The following UBE2E2 variants were observed in gnomAD, a reference collection of about 807,000 sequenced individuals.
The protein encoded by UBE2E2 is ubiquitin conjugating enzyme E2 E2.
In UBE2E2, 6 loss-of-function variants were observed where a neutral mutation model predicts 24.7. The ratio of observed to expected loss-of-function variants is 0.24; its 90% CI spans 0.13 to 0.48. The LOEUF (loss-of-function observed/expected upper bound fraction) is 0.48. Among genes scored for constraint, UBE2E2 ranks in the 20% least tolerant of loss-of-function variants. UBE2E2 has a pLI of 0.99. For synonymous variants in UBE2E2, 104 were observed against 83.6 expected (o/e 1.24, Z -1.33); for missense variants, 169 against 245.0 (o/e 0.69, Z 2.07).
intron 3 of UBE2E2, among the ~76,000 whole-genome samples, chr3:23,479,031 T>G (rs1482135714): frequency 1.3e-5 from 2 of 152,138 alleles, no homozygotes; most frequent in African/African-American, 4.8e-5. Flanking sequence ...GGATCCTTTG[T>G]AATAGTGTCA....
chr3:23,419,335 A>T (rs529423456), intron 3 of UBE2E2, among the ~76,000 whole-genome samples: 2 of 152,244 alleles, frequency 1.3e-5, no homozygotes, highest in African/African-American at 4.8e-5. Flanking sequence ...GGCTATGCTG[A>T]TGGTTCTAAT....
At chr3:23,237,202 T>G (rs781274808) in intron 3 of UBE2E2, among the ~76,000 whole-genome samples, 11 of 152,160 alleles carry the variant, frequency 7.2e-5, no homozygotes, top group Non-Finnish European at 1.5e-4. Context: ...GCTCAAAAAT[T>G]GTTAGTTGTT....
chr3:23,563,375 C>T (rs1399591236), intron 5 of UBE2E2, among the ~76,000 whole-genome samples: 3 of 152,040 alleles, frequency 2.0e-5, no homozygotes, highest in African/African-American at 4.8e-5. Context: ...TGTAGTTGAT[C>T]GGTTTTGAGT....
At chr3:23,411,427 T>A (rs2125381545) in intron 3 of UBE2E2, among the ~76,000 whole-genome samples, 1 of 152,244 alleles carries the variant, frequency 6.6e-6, no homozygotes, top group Admixed American at 6.5e-5. Context: ...CTTTGCCTCT[T>A]GCCTGATGAC....
chr3:23,331,314 GT>G (rs1477272512), intron 3 of UBE2E2, among the ~76,000 whole-genome samples: 1 of 152,180 alleles, frequency 6.6e-6, no homozygotes, highest in Non-Finnish European at 1.5e-5. Flanking sequence ...TAGGTGCATT[GT>G]TTAGGTGCCA....
At chr3:23,240,982 T>G (rs915944208) in intron 3 of UBE2E2, among the ~76,000 whole-genome samples, 1 of 152,196 alleles carries the variant, frequency 6.6e-6, no homozygotes, top group Non-Finnish European at 1.5e-5. Context: ...TGTAAAATCT[T>G]CTCATTTAAA....
rs994146822 is a variant in UBE2E2, at chr3:23,450,001, A to G, written c.228-49607A>G. On this transcript the variant is annotated intron_variant, in intron 3 of 5. Transcript: ENST00000396703. ...GCTACCCTGCCACGTGAGTACAGCAATGGCTTTGAGGACCTCAGCAATTTT... is the reference window on the plus strand; with the variant it reads ...GCTACCCTGCCACGTGAGTACAGCAGTGGCTTTGAGGACCTCAGCAATTTT... 1.3e-4 allele frequency: 120 copies of G among 901,234 alleles called. 1 individual carries two copies. The highest frequency in any genetic ancestry group is 3.6e-4 in the East Asian group (3 of 8,444). The allele number at this position is 901,234 out of a possible 1,614,324, so 55.8% of individuals were successfully genotyped here.
At chr3:23,401,020 A>G (rs927020152) in intron 3 of UBE2E2, among the ~76,000 whole-genome samples, 1 of 152,266 alleles carries the variant, frequency 6.6e-6, no homozygotes, top group Non-Finnish European at 1.5e-5. Context: ...CTGCTAAAGA[A>G]TGACTGGTAT....
intron 3 of UBE2E2, among the ~76,000 whole-genome samples, chr3:23,417,692 T>C (rs1697675173): frequency 6.6e-6 from 1 of 152,204 alleles, no homozygotes; most frequent in African/African-American, 2.4e-5. Context: ...CCCAGGGAGA[T>C]GGGGGTTTTA....
intron 4 of UBE2E2, among the ~76,000 whole-genome samples, chr3:23,529,429 C>T (rs1695070952): frequency 1.3e-5 from 1 of 78,404 alleles, no homozygotes; most frequent in African/African-American, 6.1e-5. Context: ...TACAACTGTA[C>T]ATGAATCTAC....
chr3:23,313,422 G>C (rs1175198117), intron 3 of UBE2E2, among the ~76,000 whole-genome samples: 2 of 114,794 alleles, frequency 1.7e-5, no homozygotes, highest in East Asian at 5.4e-4. Flanking sequence ...ATCTCGCTCT[G>C]TTCCCAGGCT....
intron 3 of UBE2E2, among the ~76,000 whole-genome samples, chr3:23,418,251 G>C (rs1405744498): frequency 1.3e-5 from 2 of 152,170 alleles, no homozygotes. Context: ...GTAGTATCAG[G>C]GCCAGAGTGC....
chr3:23,584,750 T>C, intron 5 of UBE2E2, among the ~76,000 whole-genome samples: 1 of 147,854 alleles, frequency 6.8e-6, no homozygotes, highest in Non-Finnish European at 1.5e-5. Flanking sequence ...TTTTTTTTTT[T>C]TGTAGAGATG....
At chr3:23,511,913 T>C (rs1314479905) in intron 4 of UBE2E2, among the ~76,000 whole-genome samples, 1 of 152,228 alleles carries the variant, frequency 6.6e-6, no homozygotes, top group African/African-American at 2.4e-5. Flanking sequence ...TAATTACCTG[T>C]AGTTGCAGTG....
intron 1 of UBE2E2, chr3:23,204,747 T>C: frequency 1.0e-6 from 1 of 985,454 alleles, no homozygotes; most frequent in Non-Finnish European, 1.2e-6. Context: ...TCTTTGCAGT[T>C]AAATTTAAAG....
chr3:23,491,906 A>G (rs1252080169), intron 3 of UBE2E2, among the ~76,000 whole-genome samples: 1 of 152,214 alleles, frequency 6.6e-6, no homozygotes, highest in Non-Finnish European at 1.5e-5. Flanking sequence ...AGAGATAACA[A>G]TGAAGTAAGA....
chr3:23,400,612 A>ACACACACACACACACACACACACATACT (rs1553608485), intron 3 of UBE2E2, among the ~76,000 whole-genome samples: 7 of 110,056 alleles, frequency 6.4e-5, no homozygotes, highest in African/African-American at 2.2e-4. Context: ...AATGAAACAC[A>ACACACACACACACACACACACACATACT]CACACACACA....
At chr3:23,292,947 C>A (rs1698806677) in intron 3 of UBE2E2, among the ~76,000 whole-genome samples, 1 of 152,124 alleles carries the variant, frequency 6.6e-6, no homozygotes, top group African/African-American at 2.4e-5. Flanking sequence ...GTGACACATG[C>A]CTGTAATCCC....
At chr3:23,478,932 C>T (rs1699195931) in intron 3 of UBE2E2, among the ~76,000 whole-genome samples, 1 of 151,656 alleles carries the variant, frequency 6.6e-6, no homozygotes, top group Non-Finnish European at 1.5e-5. Flanking sequence ...GTGGCACATG[C>T]CTGTGGTTCC....
Sources: gnomAD v4.1 joint callset for allele counts (sites outside exome capture counted in the v4.1 genomes callset) on GRCh38, gnomAD v4.1.1 for gene constraint, MANE v1.5 for transcripts, NCBI Gene and HGNC (gene_info 2026-07-23, HGNC 2026-07-21) for gene names.